The following BAIAP2L1 variants were observed in gnomAD, a reference collection of about 807,000 sequenced individuals.
BAIAP2L1 encodes BAR/IMD domain containing adaptor protein 2 like 1.
Under a neutral mutation model 66.3 loss-of-function variants are expected in BAIAP2L1, and 35 were observed. The observed-to-expected ratio is 0.53, with a 90% CI of 0.40 to 0.70. The LOEUF (loss-of-function observed/expected upper bound fraction) is 0.70, where lower values mean the gene tolerates loss of function less well. BAIAP2L1 is among the 30% of genes least tolerant of loss of function. The pLI is 0.00. For synonymous variants in BAIAP2L1, 269 were observed against 248.7 expected (o/e 1.08, Z -0.77); for missense variants, 622 against 656.9 (o/e 0.95, Z 0.58).
At chr7:98,356,435 G>A (rs1428525041) in intron 2 of BAIAP2L1, among the ~76,000 whole-genome samples, 8 of 152,100 alleles carry the variant, frequency 5.3e-5, no homozygotes, top group Non-Finnish European at 1.2e-4. Context: ...GAATCCCAGA[G>A]GCTATACCAG....
At chr7:98,308,557 A>G (rs1215870572) in intron 9 of BAIAP2L1, 1 of 343,756 alleles carries the variant, frequency 2.9e-6, no homozygotes, top group African/African-American at 2.1e-5. Flanking sequence ...GGAACCAGCT[A>G]GGGCAGGTTT....
At position 98,391,111 on chromosome 7, in the gene BAIAP2L1, G is replaced by A. The variant is rs922415286; in HGVS notation, c.51+9691C>T. On this transcript the variant is annotated intron_variant, in intron 1 of 13. Transcript: ENST00000005260. ...CCCGCCTCGGCCTCCCAAAGTGCTG[G>A]GATTACAGGCGTGAGCCACTGTGCC... 9.9e-5 allele frequency among the ~76,000 whole-genome samples: 15 copies of A among 151,716 alleles called. No homozygotes were observed. The East Asian group carries it at 3.0e-3, about 30-fold the overall frequency.
chr7:98,392,728 T>C (rs1803074279), intron 1 of BAIAP2L1, among the ~76,000 whole-genome samples: 1 of 152,146 alleles, frequency 6.6e-6, no homozygotes, highest in South Asian at 2.1e-4. Context: ...TACGGAAAAG[T>C]ATCAGAAAAA....
chr7:98,305,322 A>T (rs117063092), intron 11 of BAIAP2L1, among the ~76,000 whole-genome samples: 5 of 22,262 alleles, frequency 2.2e-4, no homozygotes, highest in Non-Finnish European at 7.2e-4. Context: ...GCTAAGAGTT[A>T]AAAAAAAAAA....
intron 1 of BAIAP2L1, among the ~76,000 whole-genome samples, chr7:98,384,757 G>A (rs1802846621): frequency 1.4e-5 from 2 of 143,336 alleles, no homozygotes; most frequent in African/African-American, 2.6e-5. Context: ...GAGCGTAGGT[G>A]GCACGATCTC....
chr7:98,385,505 C>T (rs1161589704), intron 1 of BAIAP2L1, among the ~76,000 whole-genome samples: 1 of 151,948 alleles, frequency 6.6e-6, no homozygotes, highest in African/African-American at 2.4e-5. Flanking sequence ...ACTGCAGCCT[C>T]GACCTCCCGG....
Position 98,310,492 on chromosome 7 carries a change from T to C in BAIAP2L1, c.908A>G (p.Asn303Ser). 3 of 1,607,606 alleles carry C rather than the reference T, an allele frequency of 1.9e-6. No individual in the cohort carries two copies. Among genetic ancestry groups the C allele is most frequent in the Non-Finnish European group, 2.5e-6 (3 of 1,178,262 alleles). The change falls in exon 9 of 14, where the codon AAC becomes AGC. Residue 303 changes from asparagine (N) to serine (S), a missense_variant. Coordinates refer to ENST00000005260, the MANE Select transcript of BAIAP2L1 (RefSeq NM_018842.5). ...TGAATTCGGGGCAGCCGTGGCTGGG[T>C]TATTAAACATATCGATCAAGGGACT... ...YTSPLIDMFN[N>S]PATAAPNSQR... is the part of the protein sequence containing the mutation.
chr7:98,386,693 G>GGTTTT (rs1802900055), intron 1 of BAIAP2L1: 1 of 155,918 alleles, frequency 6.4e-6, no homozygotes, highest in Non-Finnish European at 1.1e-5. Context: ...CTTTCCAAAG[G>GGTTTT]TTTTTTTTTT....
intron 5 of BAIAP2L1, among the ~76,000 whole-genome samples, chr7:98,318,824 A>AAG (rs1801157170): frequency 6.6e-6 from 1 of 151,466 alleles, no homozygotes; most frequent in African/African-American, 2.4e-5. Flanking sequence ...GGTGCCTGTA[A>AAG]TCCCAGCTAA....
chr7:98,386,670 C>A, intron 1 of BAIAP2L1: 1 of 684,734 alleles, frequency 1.5e-6, no homozygotes, highest in Non-Finnish European at 2.4e-6. Flanking sequence ...ATCGACTTCT[C>A]TCCTATATTC....
chr7:98,320,229 T>C lies in BAIAP2L1; in HGVS notation c.276+8A>G. The C allele has an allele frequency of 6.2e-7, 1 of 1,605,208 alleles. No individual in the cohort carries two copies. The highest frequency in any genetic ancestry group is 8.5e-7 in the Non-Finnish European group (1 of 1,173,176). ...TGTATTTTGTAAATAGAAACACAGATCACGTACATTTTCATCAAGACTCTC... is the reference window on the plus strand; with the variant it reads ...TGTATTTTGTAAATAGAAACACAGACCACGTACATTTTCATCAAGACTCTC... On this transcript the variant is annotated splice_region_variant and intron_variant, in intron 4 of 13. Coordinates refer to ENST00000005260, the MANE Select transcript of BAIAP2L1 (RefSeq NM_018842.5).
At chr7:98,397,448 C>T (rs1038686398) in intron 1 of BAIAP2L1, among the ~76,000 whole-genome samples, 8 of 151,696 alleles carry the variant, frequency 5.3e-5, no homozygotes, top group African/African-American at 1.9e-4. Context: ...CCTCAGCCTC[C>T]CGAGTAGCTG....
intron 3 of BAIAP2L1, among the ~76,000 whole-genome samples, chr7:98,339,960 T>A (rs1484739690): frequency 6.6e-6 from 1 of 152,192 alleles, no homozygotes; most frequent in Non-Finnish European, 1.5e-5. Flanking sequence ...TTGCAGCTCC[T>A]TGGCCAGCGG....
Position 98,385,696 on chromosome 7 carries a change from G to A in BAIAP2L1, c.51+15106C>T, listed in dbSNP as rs1802870157. 5 of 990,652 alleles carry A rather than the reference G, an allele frequency of 5.0e-6. No homozygotes were observed. The Admixed American group carries it at 1.0e-4, about 20-fold the overall frequency. The allele number at this position is 990,652 out of a possible 1,614,324, so 61.4% of individuals were successfully genotyped here. A position where few individuals can be genotyped will look rare whatever the true frequency, so the allele number is the denominator to read the frequency against. ...CCCAAAGTGCTGGGATTATAGGCAGGAGCCCCCACACCCAGCCAGGAATCA... is the reference window on the plus strand; with the variant it reads ...CCCAAAGTGCTGGGATTATAGGCAGAAGCCCCCACACCCAGCCAGGAATCA... On this transcript the variant is annotated intron_variant, in intron 1 of 13. Transcript: ENST00000005260.
In BAIAP2L1 at chr7:98,361,358, G is replaced by GA. The variant is rs563138856; in HGVS notation, c.127+998dup. On this transcript the variant is annotated intron_variant, in intron 2 of 13. Transcript: ENST00000005260. ...GGCGACAGAGCAAGACTCTGTCTGG[G>GA]AAAAAAAAAAAGAAAGAAAGAAAGA... 4.9e-3 allele frequency among the ~76,000 whole-genome samples: 684 copies of GA among 140,842 alleles called. 2 individuals are homozygous for GA. Among genetic ancestry groups the GA allele is most frequent in the Non-Finnish European group, 7.8e-3 (504 of 64,834 alleles). 92.4% of individuals were successfully genotyped at this position (140,842 alleles called of 152,430 possible). A position where few individuals can be genotyped will look rare whatever the true frequency, so the allele number is the denominator to read the frequency against.
Position 98,355,037 on chromosome 7 carries a change from C to T in BAIAP2L1, c.214+5G>A. 1 of 1,609,884 alleles carries T rather than the reference C, an allele frequency of 6.2e-7. No homozygotes were observed. Among genetic ancestry groups the T allele is most frequent in the Non-Finnish European group, 8.5e-7 (1 of 1,176,126 alleles). On this transcript the variant is annotated splice_donor_5th_base_variant and intron_variant, in intron 3 of 13. Transcript: ENST00000005260. ...GGTTTATGTATAAAGGGACAGATCG[C>T]TCACCCAGTTCAGTTGACACGGGGG...
At position 98,293,538 on chromosome 7, in the gene BAIAP2L1, C is replaced by G. The variant is rs1171573395; in HGVS notation, c.1519G>C (p.Ala507Pro). ...LRPTVTNDRS[A>P]PIIR The stretch of plus-strand genomic sequence containing the variant: ...CTGTCCTCTCATCGAATGATGGGTG[C>G]CGAGCGATCATTCGTCACAGTCGGG... The change falls in exon 14 of 14, where the codon GCA becomes CCA. Residue 507 changes from alanine (A) to proline (P), a missense_variant. Physicochemically the swap from Ala to Pro is conservative, Grantham distance 27 (BLOSUM62 -1). Coordinates refer to ENST00000005260, the MANE Select transcript of BAIAP2L1 (RefSeq NM_018842.5). 6.2e-7 allele frequency: 1 copy of G among 1,613,624 alleles called. No individual in the cohort carries two copies.
intron 9 of BAIAP2L1, chr7:98,310,218 A>C: frequency 2.0e-6 from 1 of 503,734 alleles, no homozygotes; most frequent in Non-Finnish European, 3.4e-6. Flanking sequence ...GTCAGTGCGT[A>C]GAACTGGTAA....
intron 1 of BAIAP2L1, among the ~76,000 whole-genome samples, chr7:98,379,819 T>C (rs1157555288): frequency 1.3e-5 from 2 of 152,106 alleles, no homozygotes; most frequent in African/African-American, 2.4e-5. Flanking sequence ...AAAGACCAAA[T>C]ACTGTATGAC....
Sources: allele counts gnomAD v4.1 joint callset (sites outside exome capture counted in the v4.1 genomes callset), GRCh38; gene constraint gnomAD v4.1.1; transcripts MANE v1.5; gene names NCBI Gene and HGNC (gene_info 2026-07-23, HGNC 2026-07-21).